SHPK: variants seen among roughly 807,000 people sequenced by gnomAD.
SHPK encodes the protein sedoheptulokinase, also known as carbohydrate kinase-like protein.
Under a neutral mutation model 46.3 loss-of-function variants are expected in SHPK, and 51 were observed. The observed-to-expected ratio is 1.10, with a 90% CI of 0.88 to 1.39. The LOEUF (loss-of-function observed/expected upper bound fraction) is 1.39, where lower values mean the gene tolerates loss of function less well. Ranked by LOEUF, SHPK falls within the 40% of genes most tolerant of loss-of-function variation. SHPK has a pLI of 0.00. For synonymous variants in SHPK, 290 were observed against 273.9 expected (o/e 1.06, Z -0.58); for missense variants, 668 against 641.3 (o/e 1.04, Z -0.45).
chr17:3,617,119 A>C (rs1461277286), intron 5 of SHPK, among the ~76,000 whole-genome samples: 5 of 151,570 alleles, frequency 3.3e-5, no homozygotes, highest in Non-Finnish European at 7.4e-5. Context: ...TGATCTGCCC[A>C]CCTCAGCCTC....
At chr17:3,623,557 G>A (rs2075415456) in intron 3 of SHPK, 66 bp from the exon 4 acceptor site, 3 of 1,511,940 alleles carry the variant, frequency 2.0e-6, no homozygotes, top group South Asian at 2.3e-5. Flanking sequence ...GCCGCACCTA[G>A]CTGCAGGCAG....
chr17:3,619,467 G>T, intron 5 of SHPK: 5 of 1,089,266 alleles, frequency 4.6e-6, no homozygotes, highest in Non-Finnish European at 5.5e-6. Flanking sequence ...GGGCACGATG[G>T]CTCACACCTG....
At chr17:3,622,889 G>A (rs969959034) in intron 4 of SHPK, among the ~76,000 whole-genome samples, 28 of 152,010 alleles carry the variant, frequency 1.8e-4, no homozygotes, top group Middle Eastern at 3.2e-3. Context: ...ATTTTTAGTA[G>A]AGATGGGGTT....
At chr17:3,614,394 G>A (rs891267379) in intron 6 of SHPK, among the ~76,000 whole-genome samples, 8 of 152,060 alleles carry the variant, frequency 5.3e-5, no homozygotes, top group Non-Finnish European at 1.2e-4. Context: ...GTGTGGTGGC[G>A]GGTGCCTGTA....
intron 5 of SHPK, chr17:3,619,828 G>A: frequency 2.3e-6 from 1 of 436,822 alleles, no homozygotes; most frequent in South Asian, 1.9e-5. Flanking sequence ...ATTGAGTATA[G>A]CTTGGTTCCT....
chr17:3,615,230 C>A, intron 6 of SHPK, 107 bp downstream of exon 6: 2 of 1,078,698 alleles, frequency 1.9e-6, no homozygotes, highest in Non-Finnish European at 2.8e-6. Context: ...GGGTCTGAGA[C>A]CTCAATGTGG....
intron 1 of SHPK, among the ~76,000 whole-genome samples, chr17:3,633,792 C>T (rs1055319538): frequency 6.6e-6 from 1 of 151,988 alleles, no homozygotes; most frequent in Non-Finnish European, 1.5e-5. Context: ...TGAGAATGGG[C>T]CATGATGACA....
At chr17:3,633,303 G>A (rs1397414747) in intron 1 of SHPK, among the ~76,000 whole-genome samples, 1 of 151,326 alleles carries the variant, frequency 6.6e-6, no homozygotes, top group Non-Finnish European at 1.5e-5. Context: ...ATAGATCACT[G>A]GTTCCTACTC....
intron 1 of SHPK, among the ~76,000 whole-genome samples, chr17:3,635,028 C>T (rs1005398239): frequency 5.3e-5 from 8 of 151,624 alleles, no homozygotes; most frequent in African/African-American, 9.7e-5. Context: ...AAAAAGTAGC[C>T]GGGCGCGGTG....
intron 6 of SHPK, among the ~76,000 whole-genome samples, chr17:3,613,717 GA>G (rs1230728629): frequency 6.6e-6 from 1 of 151,946 alleles, no homozygotes; most frequent in African/African-American, 2.4e-5. Flanking sequence ...AAAAGTTCAG[GA>G]AAAAAAGTTT....
chr17:3,616,761 CAG>C (rs1162347504), intron 5 of SHPK, among the ~76,000 whole-genome samples: 2 of 152,132 alleles, frequency 1.3e-5, no homozygotes, highest in Admixed American at 6.6e-5. Context: ...GTTTTTCAGA[CAG>C]AGTTTTGCTC....
rs760224228 is a variant in SHPK at position 3,622,849 on chromosome 17, C to A, written c.647+490G>T. Among the ~76,000 whole-genome samples, 16 of 152,030 alleles carry A rather than the reference C, an allele frequency of 1.1e-4. 1 individual carries two copies. The highest frequency in any genetic ancestry group is 2.6e-4 in the Admixed American group (4 of 15,244). ...CCTCCAGAGTAGCTGGGATTACAGG[C>A]GCACTCCACCACGCCCAGCTAATTT... On this transcript the variant is annotated intron_variant, in intron 4 of 6. Coordinates refer to ENST00000225519, the MANE Select transcript of SHPK (RefSeq NM_013276.4).
intron 1 of SHPK, among the ~76,000 whole-genome samples, chr17:3,634,749 A>T (rs2075497083): frequency 6.6e-6 from 1 of 152,100 alleles, no homozygotes; most frequent in African/African-American, 2.4e-5. Context: ...TGTCCCAACC[A>T]AACTAATCTT....
In SHPK at chr17:3,610,588, C is replaced by T. The variant is rs1020355454; in HGVS notation, c.1409G>A (p.Arg470Gln). The change falls in exon 7 of 7, where the codon CGG becomes CAG. Residue 470 changes from arginine (R) to glutamine (Q), a missense_variant. Arg to Gln is a conservative substitution (Grantham distance 43, BLOSUM62 1). Transcript: ENST00000225519. Reference protein sequence around the residue: ...AAVGAALVMLRRHLNQKES With the variant: ...AAVGAALVMLQRHLNQKES ...AGATTCCTTCTGGTTGAGGTGTCTC[C>T]GGAGCATGACCAGAGCTGCCCCGAC... 6.8e-6 allele frequency: 11 copies of T among 1,608,198 alleles called. No individual in the cohort carries two copies. Among genetic ancestry groups the T allele is most frequent in the Admixed American group, 1.7e-5 (1 of 59,880 alleles).
chr17:3,620,951 T>A (rs1395532900), intron 5 of SHPK, among the ~76,000 whole-genome samples: 1 of 152,130 alleles, frequency 6.6e-6, no homozygotes, highest in African/African-American at 2.4e-5. Flanking sequence ...CGGAGTCACA[T>A]AGAAACCAGA....
rs1034676340 is a variant in SHPK, at chr17:3,610,015, C to T, written c.*545G>A. On this transcript the variant is annotated 3_prime_UTR_variant, in exon 7 of 7. Transcript: ENST00000225519. ...GTCAATCCCTGGCCCAGCTAAGCAT[C>T]TGCAGCCAGGGGAGGATGAGACTAG... The T allele has an allele frequency of 6.5e-6, 1 of 153,904 alleles. No homozygotes were observed. The highest frequency in any genetic ancestry group is 1.4e-5 in the Non-Finnish European group (1 of 69,108). The allele number at this position is 153,904 out of a possible 1,614,324, so 9.5% of individuals were successfully genotyped here.
In SHPK at chr17:3,623,236, C is replaced by T. The variant is rs1311801599; in HGVS notation, c.647+103G>A. On this transcript the variant is annotated intron_variant, in intron 4 of 6. Coordinates refer to ENST00000225519, the MANE Select transcript of SHPK (RefSeq NM_013276.4). ...GACCCTGATCCTGGCCTCTGGGAAC[C>T]CTCCACCACTCCCAGATGGGAAAGC... 21 of 1,342,538 alleles carry T rather than the reference C, an allele frequency of 1.6e-5. No homozygotes were observed. The East Asian group carries it at 4.1e-4, about 27-fold the overall frequency. 83.2% of individuals were successfully genotyped at this position (1,342,538 alleles called of 1,614,324 possible). A position where few individuals can be genotyped will look rare whatever the true frequency, so the allele number is the denominator to read the frequency against.
chr17:3,617,956 T>C (rs1254300720), intron 5 of SHPK, among the ~76,000 whole-genome samples: 2 of 152,222 alleles, frequency 1.3e-5, no homozygotes, highest in Non-Finnish European at 2.9e-5. Flanking sequence ...CTGTTTGGCA[T>C]AAAAAATGCT....
chr17:3,622,109 C>A (rs1015099491), intron 4 of SHPK, among the ~76,000 whole-genome samples: 1 of 152,204 alleles, frequency 6.6e-6, no homozygotes, highest in Admixed American at 6.6e-5. Flanking sequence ...CACCACCACA[C>A]CCAGCTGCTT....
Sources: gnomAD v4.1 joint callset for allele counts (sites outside exome capture counted in the v4.1 genomes callset) on GRCh38, gnomAD v4.1.1 for gene constraint, MANE v1.5 for transcripts, NCBI Gene and HGNC (gene_info 2026-07-23, HGNC 2026-07-21) for gene names.